Variants in SCAF8 observed in about 807,000 individuals in gnomAD.
SCAF8 encodes the protein SR-related and CTD-associated factor 8.
A neutral mutation model predicts 140.5 loss-of-function variants in SCAF8; 23 were observed. That is an observed-to-expected ratio of 0.16 (90% CI 0.12 to 0.23). The LOEUF (loss-of-function observed/expected upper bound fraction) is 0.23, where lower values mean the gene tolerates loss of function less well. Among genes scored for constraint, SCAF8 ranks in the 10% least tolerant of loss-of-function variants. The pLI, the probability that SCAF8 is intolerant of heterozygous loss-of-function variation, is 1.00. For synonymous variants in SCAF8, 575 were observed against 528.9 expected, an observed-to-expected ratio of 1.09 and a Z score of -1.20; for missense variants, 1,397 against 1,555.7, an observed-to-expected ratio of 0.90 and a Z score of 1.72.
intron 1 of SCAF8, among the ~76,000 whole-genome samples, chr6:154,739,030 G>A (rs1778500599): frequency 6.6e-6 from 1 of 152,152 alleles, no homozygotes; most frequent in Non-Finnish European, 1.5e-5. Context: ...CTCTTGCCCA[G>A]GCTAGAGTGC....
chr6:154,752,280 A>C (rs1778856582), intron 1 of SCAF8, among the ~76,000 whole-genome samples: 1 of 152,142 alleles, frequency 6.6e-6, no homozygotes, highest in East Asian at 1.9e-4. Flanking sequence ...ATGAGATTAG[A>C]TAAGATGACC....
At chr6:154,777,867 T>C (rs1030435662) in intron 2 of SCAF8, 134 bp from the exon 3 acceptor site, 1 of 632,516 alleles carries the variant, frequency 1.6e-6, no homozygotes, top group Non-Finnish European at 2.8e-6. Flanking sequence ...GTGACAAGAA[T>C]GTTTGTCTCA....
At position 154,832,350 on chromosome 6, in the gene SCAF8, T is replaced by C; in HGVS notation, c.2771T>C (p.Leu924Ser). ...PNQRMPTMPM[L>S]DIRPGLIPQA... Reference sequence around the variant, plus strand: ...CAAAGGATGCCCACAATGCCAATGTTAGACATTCGTCCGGGACTAATACCA... The same window carrying C: ...CAAAGGATGCCCACAATGCCAATGTCAGACATTCGTCCGGGACTAATACCA... The change falls in exon 20 of 20, where the codon TTA (leucine) becomes TCA (serine). Residue 924 changes from leucine (L) to serine (S), a missense_variant. Leu to Ser is a moderately radical substitution (Grantham distance 145). Coordinates refer to ENST00000367178, the MANE Select transcript of SCAF8 (RefSeq NM_014892.5). 6.2e-7 allele frequency: 1 copy of C among 1,614,054 alleles called. No individual in the cohort carries two copies. The highest frequency in any genetic ancestry group is 1.7e-5 in the Admixed American group (1 of 60,014).
At chr6:154,790,327 A>AT (rs1201715365) in intron 4 of SCAF8, among the ~76,000 whole-genome samples, 1 of 152,030 alleles carries the variant, frequency 6.6e-6, no homozygotes, top group Non-Finnish European at 1.5e-5. Context: ...GCAGTCTCTA[A>AT]TTTTCTTGTG....
intron 4 of SCAF8, 100 bp downstream of exon 4, chr6:154,788,122 C>G: frequency 1.0e-6 from 1 of 999,592 alleles, no homozygotes; most frequent in South Asian, 1.7e-5. Flanking sequence ...TCATGTGCCA[C>G]ATAATGATGT....
chr6:154,831,536 AT>A (rs1372678051), intron 19 of SCAF8, among the ~76,000 whole-genome samples: 1 of 151,982 alleles, frequency 6.6e-6, no homozygotes, highest in Non-Finnish European at 1.5e-5. Context: ...GAAGATAAAT[AT>A]GGTGTTTGAA....
chr6:154,820,406 A>G lies in SCAF8; in HGVS notation c.1792+73A>G, dbSNP rs1332822200. ...AGGTTGTAGCTGAAGTGAATTTGGG[A>G]TGACAGCGTTAACTGTGTATCCTGG... On this transcript the variant is annotated intron_variant, in intron 15 of 19. Coordinates refer to ENST00000367178, the MANE Select transcript of SCAF8 (RefSeq NM_014892.5). 3.2e-6 allele frequency: 4 copies of G among 1,266,836 alleles called. No homozygotes were observed. The South Asian group carries it at 5.4e-5, about 17-fold the overall frequency. The allele number at this position is 1,266,836 out of a possible 1,614,324, so 78.5% of individuals were successfully genotyped here. A position where few individuals can be genotyped will look rare whatever the true frequency, so the allele number is the denominator to read the frequency against.
Position 154,824,251 on chromosome 6 carries a change from C to G in SCAF8, c.1944C>G (p.Ala648=), listed in dbSNP as rs758502107. The G allele has an allele frequency of 2.0e-5, 32 of 1,613,834 alleles. No individual in the cohort carries two copies. Among genetic ancestry groups the G allele is most frequent in the Non-Finnish European group, 2.7e-5 (32 of 1,179,808 alleles). Residue 648 remains alanine (A), a synonymous_variant, in exon 17 of 20, where the codon GCC becomes GCG. Coordinates refer to ENST00000367178, the MANE Select transcript of SCAF8 (RefSeq NM_014892.5). Reference sequence around the variant, plus strand: ...CACAAAAGATTCCAGTGGCGCCAGCCGTGCCTACAGTTAGTTTAGTCCCAC... The same window carrying G: ...CACAAAAGATTCCAGTGGCGCCAGCGGTGCCTACAGTTAGTTTAGTCCCAC... ...VAMLQIPVAP[A]VPTVSLVPPA...
intron 2 of SCAF8, among the ~76,000 whole-genome samples, chr6:154,775,646 G>A (rs959816983): frequency 1.3e-5 from 2 of 152,100 alleles, no homozygotes; most frequent in African/African-American, 4.8e-5. Context: ...GGGACACATC[G>A]TTAGTCCTAG....
intron 15 of SCAF8, among the ~76,000 whole-genome samples, chr6:154,820,983 A>G (rs987337822): frequency 7.2e-5 from 11 of 152,150 alleles, no homozygotes; most frequent in African/African-American, 2.4e-4. Context: ...GAGTTAGCTA[A>G]TTTTCAGAAT....
intron 3 of SCAF8, among the ~76,000 whole-genome samples, chr6:154,786,670 C>G (rs966546661): frequency 6.6e-6 from 1 of 152,210 alleles, no homozygotes; most frequent in Admixed American, 6.5e-5. Flanking sequence ...TAGGTCTGCT[C>G]GCTTTCACTG....
Position 154,784,126 on chromosome 6 carries a change from T to G in SCAF8, c.160-3735T>G, listed in dbSNP as rs1195077202. 6.4e-3 allele frequency among the ~76,000 whole-genome samples: 369 copies of G among 57,640 alleles called. 5 individuals are homozygous for G. The highest frequency in any genetic ancestry group is 0.033 in the Middle Eastern group (3 of 92). The allele number at this position is 57,640 out of a possible 152,430, so 37.8% of individuals were successfully genotyped here. A position where few individuals can be genotyped will look rare whatever the true frequency, so the allele number is the denominator to read the frequency against. ...CTTATCTCTGGTGTCTTGAGATATA[T>G]ATATATATATATATATATATATATA... On this transcript the variant is annotated intron_variant, in intron 3 of 19. Coordinates refer to ENST00000367178, the MANE Select transcript of SCAF8 (RefSeq NM_014892.5).
chr6:154,778,167 AT>A, intron 3 of SCAF8, 122 bp downstream of exon 3: 1 of 574,956 alleles, frequency 1.7e-6, no homozygotes, highest in Non-Finnish European at 3.0e-6. Flanking sequence ...GATTCCAGTT[AT>A]TTTATTTTCC....
At chr6:154,743,460 A>T (rs1007066484) in intron 1 of SCAF8, among the ~76,000 whole-genome samples, 15 of 152,218 alleles carry the variant, frequency 9.9e-5, no homozygotes, top group African/African-American at 3.6e-4. Flanking sequence ...AAACCTTATG[A>T]ATTTAGAAGA....
At chr6:154,796,867 G>A (rs569412301) in intron 6 of SCAF8, among the ~76,000 whole-genome samples, 44 of 152,174 alleles carry the variant, frequency 2.9e-4, no homozygotes, top group Admixed American at 5.2e-4. Context: ...AGCTACTTAG[G>A]AGGCTGAGGC....
At chr6:154,768,888 C>T (rs1218806078) in intron 1 of SCAF8, among the ~76,000 whole-genome samples, 4 of 151,968 alleles carry the variant, frequency 2.6e-5, no homozygotes, top group Non-Finnish European at 4.4e-5. Flanking sequence ...CATGGCAAAA[C>T]CCTGTCTCTA....
chr6:154,814,573 A>G (rs1583060316), intron 12 of SCAF8, among the ~76,000 whole-genome samples: 2 of 152,174 alleles, frequency 1.3e-5, no homozygotes, highest in Admixed American at 1.3e-4. Context: ...TGCCAAGGGT[A>G]CCTTCATGTG....
intron 3 of SCAF8, among the ~76,000 whole-genome samples, chr6:154,779,411 T>A (rs1313998400): frequency 1.3e-5 from 2 of 152,200 alleles, no homozygotes; most frequent in African/African-American, 2.4e-5. Flanking sequence ...TTGTTAAAAA[T>A]GTGGATTCTA....
intron 19 of SCAF8, 101 bp from the exon 20 acceptor site, chr6:154,831,838 T>G (rs1778748963): frequency 2.2e-6 from 2 of 926,634 alleles, no homozygotes; most frequent in African/African-American, 3.3e-5. Context: ...TAGTAGCTAA[T>G]GTACCTTGAT....
Sources: gnomAD v4.1 joint callset for allele counts (sites outside exome capture counted in the v4.1 genomes callset) on GRCh38, gnomAD v4.1.1 for gene constraint, MANE v1.5 for transcripts, NCBI Gene and HGNC (gene_info 2026-07-23, HGNC 2026-07-21) for gene names.